Variants in FAM171A2 observed in about 807,000 individuals in gnomAD.
The protein encoded by FAM171A2 is protein FAM171A2.
Under a neutral mutation model 34.2 loss-of-function variants are expected in FAM171A2, and 13 were observed. The ratio of observed to expected loss-of-function variants is 0.38; its 90% CI spans 0.25 to 0.60. The LOEUF (loss-of-function observed/expected upper bound fraction) is 0.60. FAM171A2 is among the 20% of genes least tolerant of loss of function. The pLI, the probability that FAM171A2 is intolerant of heterozygous loss-of-function variation, is 0.62. For synonymous variants in FAM171A2, 475 were observed against 561.2 expected, an observed-to-expected ratio of 0.85 and a Z score of 2.17; for missense variants, 950 against 1,180.7, an observed-to-expected ratio of 0.80 and a Z score of 2.86.
rs1028119925 is a variant in FAM171A2 at position 44,360,071 on chromosome 17, T to C, written c.180A>G (p.Ser60=). The C allele has an allele frequency of 8.4e-6, 13 of 1,551,498 alleles. No individual in the cohort carries two copies. In the African/African-American group the frequency reaches 1.6e-4, roughly 20 times the overall value. Residue 60 remains serine (S), a synonymous_variant, in exon 2 of 8, where the codon TCA becomes TCG. Transcript: ENST00000293443. ...SGELVPLARA[S]VDVFGNRTLL... ...GAGTCCGGTTCCCAAACACATCCAC[T>C]GAGGCCCGGGCCAGGGGCACCAGCT...
At chr17:44,358,552 G>T (rs192400964) in intron 3 of FAM171A2, among the ~76,000 whole-genome samples, 19 of 152,028 alleles carry the variant, frequency 1.2e-4, no homozygotes, top group Non-Finnish European at 2.5e-4. Flanking sequence ...TTAGTCTGGC[G>T]TGGTGATGGG....
rs1312053275 is a variant in FAM171A2 at position 44,356,089 on chromosome 17, G to A, written c.779-15C>T. 3 of 1,528,844 alleles carry A rather than the reference G, an allele frequency of 2.0e-6. No individual in the cohort carries two copies. Among genetic ancestry groups the A allele is most frequent in the African/African-American group, 2.8e-5 (2 of 72,478 alleles). 94.7% of individuals were successfully genotyped at this position (1,528,844 alleles called of 1,614,324 possible). A position where few individuals can be genotyped will look rare whatever the true frequency, so the allele number is the denominator to read the frequency against. ...CACCCACAGCCCTGGGAGAGGCAGG[G>A]GTTTTGTCACACTTGAGTCGCTCCC... On this transcript the variant is annotated splice_polypyrimidine_tract_variant and intron_variant, in intron 5 of 7. Coordinates refer to ENST00000293443, the MANE Select transcript of FAM171A2 (RefSeq NM_198475.3).
Position 44,354,347 on chromosome 17 carries a change from T to G in FAM171A2, c.1867A>C (p.Asn623His). ...SGSVTIPVLFNESTMAQLNGE... is the reference protein window; with the variant it reads ...SGSVTIPVLFHESTMAQLNGE... The stretch of plus-strand genomic sequence containing the variant: ...TTGAGCTGCGCCATGGTGGACTCGT[T>G]GAATAGCACAGGGATGGTGACTGAG... Residue 623 changes from asparagine to histidine, a missense_variant, in exon 8 of 8, where the codon AAC becomes CAC. Around this residue, in one of 3 missense-constraint regions of FAM171A2, gnomAD observed 752 missense variants for 924.5 expected, o/e 0.81. Transcript: ENST00000293443. This position sits in a 1 kb window ranked among gnomAD's most constrained non-coding sequence, Gnocchi z 5.8. 1 of 1,436,254 alleles carries G rather than the reference T, an allele frequency of 7.0e-7. No homozygotes were observed. The highest frequency in any genetic ancestry group is 9.2e-7 in the Non-Finnish European group (1 of 1,082,322). 89.0% of individuals were successfully genotyped at this position (1,436,254 alleles called of 1,614,324 possible). A position where few individuals can be genotyped will look rare whatever the true frequency, so the allele number is the denominator to read the frequency against.
chr17:44,362,444 C>T (rs1178624928), intron 1 of FAM171A2, among the ~76,000 whole-genome samples: 1 of 152,186 alleles, frequency 6.6e-6, no homozygotes, highest in East Asian at 1.9e-4. Flanking sequence ...CTCCCTTCAT[C>T]CGGACCCCAC....
chr17:44,354,466 C>T lies in FAM171A2; in HGVS notation c.1748G>A (p.Arg583His), dbSNP rs1455811397. The change falls in exon 8 of 8, where the codon CGC (arginine) becomes CAC (histidine). Residue 583 changes from arginine to histidine, a missense_variant. Transcript: ENST00000293443. This position sits in a 1 kb window ranked among gnomAD's most constrained non-coding sequence, Gnocchi z 5.8. ...GCCCGAGTGGCCCGGCATCTGCGGG[C>T]GCTGGGGGTCGGGCTGGGGAAAAGC... ...ARAFPQPDPQ[R>H]PQMPGHSGPG... 2 of 1,080,650 alleles carry T rather than the reference C, an allele frequency of 1.9e-6. No homozygotes were observed. Among genetic ancestry groups the T allele is most frequent in the Non-Finnish European group, 2.2e-6 (2 of 890,942 alleles). The allele number at this position is 1,080,650 out of a possible 1,614,324, so 66.9% of individuals were successfully genotyped here.
At chr17:44,362,704 ACACCCAC>A (rs2048452765) in intron 1 of FAM171A2, among the ~76,000 whole-genome samples, 1 of 151,692 alleles carries the variant, frequency 6.6e-6, no homozygotes, top group Admixed American at 6.6e-5. Flanking sequence ...CCCACCTCAC[ACACCCAC>A]CTGCGCCCGG....
rs913748418 is a variant in FAM171A2, at chr17:44,356,181, G to T, written c.770C>A (p.Pro257His). The change falls in exon 5 of 8, where the codon CCC becomes CAC. Residue 257 changes from proline (P) to histidine (H), a missense_variant. Transcript: ENST00000293443. ...GTSIPAWRFD[P>H]KSGLWVRNGT... ...CCCCCTGAGGCACTTACCACTCTTG[G>T]GGTCAAATCTCCAGGCTGGAATGCT... 1 of 1,547,084 alleles carries T rather than the reference G, an allele frequency of 6.5e-7. No homozygotes were observed. Among genetic ancestry groups the T allele is most frequent in the East Asian group, 2.5e-5 (1 of 40,738 alleles).
chr17:44,362,181 A>T (rs1567892967), intron 1 of FAM171A2, among the ~76,000 whole-genome samples: 1 of 151,936 alleles, frequency 6.6e-6, no homozygotes, highest in Non-Finnish European at 1.5e-5. Flanking sequence ...TGCCCCAGAG[A>T]ACCCCCAATC....
intron 5 of FAM171A2, 35 bp downstream of exon 5, chr17:44,356,138 C>A: frequency 6.6e-7 from 1 of 1,525,406 alleles, no homozygotes; most frequent in Non-Finnish European, 8.8e-7. Flanking sequence ...TTTCTTCTCT[C>A]AACTCAAGCA....
chr17:44,354,450 G>A lies in FAM171A2; in HGVS notation c.1764C>T (p.Gly588=). 1 of 1,098,014 alleles carries A rather than the reference G, an allele frequency of 9.1e-7. No individual in the cohort carries two copies. The highest frequency in any genetic ancestry group is 1.1e-6 in the Non-Finnish European group (1 of 899,512). The allele number at this position is 1,098,014 out of a possible 1,614,324, so 68.0% of individuals were successfully genotyped here. A position where few individuals can be genotyped will look rare whatever the true frequency, so the allele number is the denominator to read the frequency against. The part of the protein sequence containing the change: ...QPDPQRPQMP[G]HSGPGGEGGG... ...CGCCCTCGCCCCCCGGGCCCGAGTGGCCCGGCATCTGCGGGCGCTGGGGGT... is the reference window on the plus strand; with the variant it reads ...CGCCCTCGCCCCCCGGGCCCGAGTGACCCGGCATCTGCGGGCGCTGGGGGT... Residue 588 remains glycine, a synonymous_variant, in exon 8 of 8, where the codon GGC becomes GGT. Transcript: ENST00000293443. This position sits in a 1 kb window ranked among gnomAD's most constrained non-coding sequence, Gnocchi z 5.8.
At position 44,355,810 on chromosome 17, in the gene FAM171A2, G is replaced by GTCC; in HGVS notation, c.924_926dup (p.Gln308_Asp309insGlu). The GTCC allele has an allele frequency of 6.4e-7, 1 of 1,551,776 alleles. No homozygotes were observed. Among genetic ancestry groups the GTCC allele is most frequent in the Middle Eastern group, 1.7e-4 (1 of 5,992 alleles). On this transcript the variant is annotated inframe_insertion, in exon 7 of 8. Transcript: ENST00000293443. The surrounding 1 kb of genome is among the most constrained non-coding windows in gnomAD (Gnocchi z 4.1). ...AGAAGATGGTGTGGTAGGTGCCGAT[G>GTCC]TCCTGGATGCCCGACGTGATGGTGA...
In FAM171A2 at chr17:44,363,720, G is replaced by T; in HGVS notation, c.-6C>A. 1.7e-6 allele frequency: 2 copies of T among 1,198,170 alleles called. No individual in the cohort carries two copies. The highest frequency in any genetic ancestry group is 2.1e-6 in the Non-Finnish European group (2 of 963,694). 74.2% of individuals were successfully genotyped at this position (1,198,170 alleles called of 1,614,324 possible). On this transcript the variant is annotated 5_prime_UTR_variant, in exon 1 of 8. Transcript: ENST00000293443. ...GGGCCACTCGCCGGCGGCATCGCGG[G>T]GCTAGGCCGGGCCCTAGCGGTCCAT...
chr17:44,362,553 GC>G (rs560381312), intron 1 of FAM171A2, among the ~76,000 whole-genome samples: 3 of 152,208 alleles, frequency 2.0e-5, no homozygotes, highest in Non-Finnish European at 4.4e-5. Flanking sequence ...GGGCCCACAG[GC>G]AGGAGAGGGA....
chr17:44,362,817 C>T (rs564738958), intron 1 of FAM171A2, among the ~76,000 whole-genome samples: 8 of 152,204 alleles, frequency 5.3e-5, no homozygotes, highest in Middle Eastern at 6.8e-3. Context: ...AGGAGGCCTG[C>T]TGAATGGGGG....
chr17:44,354,273 C>A lies in FAM171A2; in HGVS notation c.1941G>T (p.Val647=). 1 of 1,455,080 alleles carries A rather than the reference C, an allele frequency of 6.9e-7. No homozygotes were observed. 90.1% of individuals were successfully genotyped at this position (1,455,080 alleles called of 1,614,324 possible). A position where few individuals can be genotyped will look rare whatever the true frequency, so the allele number is the denominator to read the frequency against. ...LTEKKLLELG[V]KPHPRAWFVS... is the part of the protein sequence containing the mutation. ...CGAACCAGGCGCGCGGGTGCGGCTT[C>A]ACGCCCAGTTCCAGCAGCTTCTTCT... The change falls in exon 8 of 8, where the codon GTG becomes GTT. Residue 647 remains valine, a synonymous_variant. Coordinates refer to ENST00000293443, the MANE Select transcript of FAM171A2 (RefSeq NM_198475.3). This position sits in a 1 kb window ranked among gnomAD's most constrained non-coding sequence, Gnocchi z 5.8.
rs1222732091 is a variant in FAM171A2 at position 44,355,158 on chromosome 17, G to T, written c.1056C>A (p.Arg352=). The change falls in exon 8 of 8, where the codon CGC becomes CGA. Residue 352 remains arginine (R), a synonymous_variant. Coordinates refer to ENST00000293443, the MANE Select transcript of FAM171A2 (RefSeq NM_198475.3). The surrounding 1 kb of genome is among the most constrained non-coding windows in gnomAD (Gnocchi z 4.1). ...CAGAGGGCCCCGAGAGCTGCAGCTTGCGGTGCTGTTGCCTCGGCTTCAGGC... is the reference window on the plus strand; with the variant it reads ...CAGAGGGCCCCGAGAGCTGCAGCTTTCGGTGCTGTTGCCTCGGCTTCAGGC... ...RRCLKPRQQH[R]KLQLSGPSDG... 1.9e-6 allele frequency: 3 copies of T among 1,550,848 alleles called. No homozygotes were observed. The highest frequency in any genetic ancestry group is 2.6e-6 in the Non-Finnish European group (3 of 1,146,914).
In FAM171A2 at chr17:44,354,501, G is replaced by T; in HGVS notation, c.1713C>A (p.Gly571=). Residue 571 remains glycine, a synonymous_variant, in exon 8 of 8, where the codon GGC becomes GGA. Transcript: ENST00000293443. This position sits in a 1 kb window ranked among gnomAD's most constrained non-coding sequence, Gnocchi z 5.8. The part of the protein sequence containing the change: ...EPAPPEGTAP[G]PARAFPQPDP... ...CGGGCTGGGGAAAAGCGCGCGCCGG[G>T]CCGGGTGCCGTGCCCTCCGGCGGGG... is the stretch of plus-strand genomic sequence containing the variant. 9.1e-7 allele frequency: 1 copy of T among 1,095,578 alleles called. No homozygotes were observed. Among genetic ancestry groups the T allele is most frequent in the Non-Finnish European group, 1.1e-6 (1 of 900,990 alleles). The allele number at this position is 1,095,578 out of a possible 1,614,324, so 67.9% of individuals were successfully genotyped here. A position where few individuals can be genotyped will look rare whatever the true frequency, so the allele number is the denominator to read the frequency against.
At chr17:44,357,208 G>A (rs949707635) in intron 3 of FAM171A2, among the ~76,000 whole-genome samples, 3 of 152,058 alleles carry the variant, frequency 2.0e-5, no homozygotes, top group Admixed American at 6.6e-5. Flanking sequence ...TTAGCTGGGT[G>A]TGGTGGTGCA....
In FAM171A2 at chr17:44,354,674, C is replaced by G. The variant is rs1284483336; in HGVS notation, c.1540G>C (p.Gly514Arg). Residue 514 changes from glycine (G) to arginine (R), a missense_variant, in exon 8 of 8, where the codon GGC becomes CGC. Transcript: ENST00000293443. This position sits in a 1 kb window ranked among gnomAD's most constrained non-coding sequence, Gnocchi z 5.8. The part of the protein sequence containing the change: ...VDQLARPPSL[G>R]QAGQLIFCGS... ...CAGAAGATGAGCTGCCCCGCCTGGC[C>G]CAGCGACGGCGGCCGCGCCAGCTGG... is the stretch of plus-strand genomic sequence containing the variant. 1 of 1,328,232 alleles carries G rather than the reference C, an allele frequency of 7.5e-7. No individual in the cohort carries two copies. Among genetic ancestry groups the G allele is most frequent in the Non-Finnish European group, 9.6e-7 (1 of 1,038,326 alleles). The allele number at this position is 1,328,232 out of a possible 1,614,324, so 82.3% of individuals were successfully genotyped here.
Sources: allele counts gnomAD v4.1 joint callset (sites outside exome capture counted in the v4.1 genomes callset), GRCh38; gene constraint gnomAD v4.1.1; regional missense constraint gnomAD v4.1.1; non-coding constraint Gnocchi (gnomAD v3.1); transcripts MANE v1.5; gene names NCBI Gene and HGNC (gene_info 2026-07-23, HGNC 2026-07-21).